Variants in DCAF8 observed in about 807,000 individuals in gnomAD.
DCAF8 encodes DDB1- and CUL4-associated factor 8.
DCAF8 carries 20 observed loss-of-function variants against 68.0 expected under a neutral mutation model. The ratio of observed to expected loss-of-function variants is 0.29; its 90% CI spans 0.21 to 0.43. DCAF8 has a LOEUF of 0.43. Ranked by LOEUF, DCAF8 falls within the 20% of genes least tolerant of loss-of-function variation. DCAF8 has a pLI of 1.00. For synonymous variants in DCAF8, 230 were observed against 276.9 expected, an observed-to-expected ratio of 0.83 and a Z score of 1.68; for missense variants, 460 against 771.0, an observed-to-expected ratio of 0.60 and a Z score of 4.78.
At chr1:160,257,430 G>C (rs1192660098) in intron 2 of DCAF8, among the ~76,000 whole-genome samples, 1 of 152,116 alleles carries the variant, frequency 6.6e-6, no homozygotes, top group East Asian at 1.9e-4. Context: ...AGAAATAATG[G>C]AGTAATGAAT....
intron 2 of DCAF8, among the ~76,000 whole-genome samples, chr1:160,256,902 T>TA (rs147368853): frequency 5.1e-4 from 77 of 151,414 alleles, no homozygotes; most frequent in South Asian, 8.3e-4. Flanking sequence ...GAGGTAGAGA[T>TA]AAAAAAAAAC....
At chr1:160,261,496 T>C (rs1346161720) in intron 1 of DCAF8, 138 bp from the exon 2 acceptor site, 1 of 152,212 alleles carries the variant, frequency 6.6e-6, no homozygotes, top group East Asian at 1.9e-4. Context: ...TTCTAATTAC[T>C]GAACAAATAA....
intron 13 of DCAF8, chr1:160,217,917 C>T (rs761265070): frequency 4.8e-5 from 26 of 546,414 alleles, no homozygotes; most frequent in East Asian, 3.5e-4. Flanking sequence ...ACAGACAATA[C>T]ACAGAATGGG....
In DCAF8 at chr1:160,237,224, T is replaced by C; in HGVS notation, c.870A>G (p.Ala290=). ...ACGTACAGGGAGAGTCTGGTTCCAG[T>C]GCCAACTGAAGAAGAAAAAGGAAAA... ...AQHKGASHKL[A]LEPDSPCTFL... is the part of the protein sequence containing the mutation. Residue 290 remains alanine, a synonymous_variant, in exon 6 of 14, where the codon GCA becomes GCG. Coordinates refer to ENST00000368074, the MANE Select transcript of DCAF8 (RefSeq NM_015726.4). The C allele has an allele frequency of 6.4e-7, 1 of 1,564,988 alleles. No homozygotes were observed. The highest frequency in any genetic ancestry group is 8.7e-7 in the Non-Finnish European group (1 of 1,152,986).
intron 2 of DCAF8, among the ~76,000 whole-genome samples, chr1:160,253,140 G>A (rs576797613): frequency 6.6e-6 from 1 of 152,182 alleles, no homozygotes; most frequent in Non-Finnish European, 1.5e-5. Context: ...AAGGAGAGCA[G>A]AGAGAAAAAT....
At chr1:160,240,419 AGGATAGTGACCACCTTAGTCTAAG>A in intron 3 of DCAF8, 49 bp from the exon 4 acceptor site, 1 of 1,513,144 alleles carries the variant, frequency 6.6e-7, no homozygotes, top group Non-Finnish European at 8.9e-7. Flanking sequence ...ATAAGAAAAC[AGGATAGTGACCACCTTAGTCTAAG>A]AAATCTTCAC....
chr1:160,224,600 G>T, intron 9 of DCAF8, 51 bp from the exon 10 acceptor site: 1 of 1,468,512 alleles, frequency 6.8e-7, no homozygotes, highest in Non-Finnish European at 9.5e-7. Flanking sequence ...AAAAAGCAGG[G>T]ACCAGGAGGT....
rs2101708842 is a variant in DCAF8, at chr1:160,216,522, CA to C, written c.*1069del. On this transcript the variant is annotated 3_prime_UTR_variant, in exon 14 of 14. Transcript: ENST00000368074. ...GTTTTTCCCAACCCCTACACCAAAG[CA>C]GGGAACCAGGAAGGGCAGAAATGAG... 1 of 152,692 alleles carries C rather than the reference CA, an allele frequency of 6.5e-6. No homozygotes were observed. The highest frequency in any genetic ancestry group is 2.1e-4 in the South Asian group (1 of 4,826). The allele number at this position is 152,692 out of a possible 1,614,324, so 9.5% of individuals were successfully genotyped here. A position where few individuals can be genotyped will look rare whatever the true frequency, so the allele number is the denominator to read the frequency against.
chr1:160,258,159 C>G (rs550548445), intron 2 of DCAF8, among the ~76,000 whole-genome samples: 1 of 152,028 alleles, frequency 6.6e-6, no homozygotes, highest in South Asian at 2.1e-4. Context: ...CCAGCCTGGG[C>G]AATATGGTGA....
In DCAF8 at chr1:160,231,460, T is replaced by A. The variant is rs934054937; in HGVS notation, c.960-53A>T. On this transcript the variant is annotated intron_variant, in intron 6 of 13. Transcript: ENST00000368074. The stretch of plus-strand genomic sequence containing the variant: ...TATATACTCCAAAAGATCCAAATGG[T>A]CATGGCAAAGGAGAGCCAAGAGAGT... 3.5e-5 allele frequency: 49 copies of A among 1,395,886 alleles called. No individual in the cohort carries two copies. The African/African-American group carries it at 6.1e-4, about 17-fold the overall frequency. 86.5% of individuals were successfully genotyped at this position (1,395,886 alleles called of 1,614,324 possible). A position where few individuals can be genotyped will look rare whatever the true frequency, so the allele number is the denominator to read the frequency against.
intron 2 of DCAF8, among the ~76,000 whole-genome samples, chr1:160,252,423 T>C (rs1656633907): frequency 6.6e-6 from 1 of 151,834 alleles, no homozygotes; most frequent in Non-Finnish European, 1.5e-5. Context: ...ACGGGTAGAG[T>C]TGAGAAAGAC....
intron 1 of DCAF8, chr1:160,262,239 A>T (rs1414161458): frequency 3.5e-5 from 14 of 395,172 alleles, no homozygotes; most frequent in Non-Finnish European, 1.8e-5. Context: ...CTGGGAAGCG[A>T]GGGGGGGCGC....
intron 7 of DCAF8, among the ~76,000 whole-genome samples, chr1:160,230,484 T>C (rs1655639065): frequency 6.6e-6 from 1 of 152,166 alleles, no homozygotes; most frequent in African/African-American, 2.4e-5. Flanking sequence ...CAAGAGCCAG[T>C]GTTAACAAAA....
chr1:160,238,977 A>G, intron 4 of DCAF8: 1 of 565,558 alleles, frequency 1.8e-6, no homozygotes, highest in South Asian at 2.8e-5. Context: ...TTGGCTCTGG[A>G]AGATTGAACT....
chr1:160,222,339 A>G (rs568287413), intron 11 of DCAF8, among the ~76,000 whole-genome samples: 3 of 152,186 alleles, frequency 2.0e-5, no homozygotes, highest in Non-Finnish European at 4.4e-5. Flanking sequence ...CGCCCTGAAC[A>G]CTAACGCTTT....
At chr1:160,238,475 A>C in intron 5 of DCAF8, 132 bp downstream of exon 5, 1 of 1,043,634 alleles carries the variant, frequency 9.6e-7, no homozygotes, top group East Asian at 2.9e-5. Flanking sequence ...TTAACCACAA[A>C]TCTTAGGACT....
chr1:160,227,544 A>C (rs1285326335), intron 7 of DCAF8, among the ~76,000 whole-genome samples: 2 of 152,186 alleles, frequency 1.3e-5, no homozygotes, highest in Non-Finnish European at 2.9e-5. Flanking sequence ...GGTATAAGCC[A>C]CTACACCCCA....
intron 2 of DCAF8, among the ~76,000 whole-genome samples, chr1:160,246,685 T>C (rs1656354458): frequency 6.6e-6 from 1 of 152,020 alleles, no homozygotes; most frequent in South Asian, 2.1e-4. Context: ...TAGGAGCCAC[T>C]GAAAAATCTT....
At chr1:160,219,289 A>T in intron 11 of DCAF8, 1 of 223,960 alleles carries the variant, frequency 4.5e-6, no homozygotes, top group Non-Finnish European at 8.7e-6. Flanking sequence ...TGAAATCCAG[A>T]TGACCTCATT....
Sources: gnomAD v4.1 joint callset for allele counts (sites outside exome capture counted in the v4.1 genomes callset) on GRCh38, gnomAD v4.1.1 for gene constraint, MANE v1.5 for transcripts, NCBI Gene and HGNC (gene_info 2026-07-23, HGNC 2026-07-21) for gene names.